ULK4: variants seen among roughly 807,000 people sequenced by gnomAD.
ULK4 encodes the protein unc-51 like kinase 4, also known as inactive serine/threonine-protein kinase ULK4.
Under a neutral mutation model 160.6 loss-of-function variants are expected in ULK4, and 133 were observed. The ratio of observed to expected loss-of-function variants is 0.83; its 90% confidence interval spans 0.72 to 0.96. The LOEUF (loss-of-function observed/expected upper bound fraction) is 0.96. ULK4 is among the 40% of genes least tolerant of loss of function. ULK4 has a pLI of 0.00. For missense variants in ULK4, 1,580 were observed against 1,499.5 expected (o/e 1.05, Z -0.89); for synonymous variants, 534 against 539.8 (o/e 0.99, Z 0.15).
chr3:41,918,478 G>C lies in ULK4; in HGVS notation c.706C>G (p.Pro236Ala), dbSNP rs1030949392. The stretch of plus-strand genomic sequence containing the variant: ...TTACCTTTCGGAATAGGTGGCAAAG[G>C]ATCTTCACATAAGATCTTTTCAGTT... ...ELTEKILCED[P>A]LPPIPKDSSR... The change falls in exon 7 of 37, where the codon CCT becomes GCT. Residue 236 changes from proline to alanine, a missense_variant. By Grantham distance (27) the Pro-to-Ala change is conservative. Transcript: ENST00000301831. The C allele has an allele frequency of 6.3e-7, 1 of 1,583,372 alleles. No individual in the cohort carries two copies. The highest frequency in any genetic ancestry group is 2.3e-5 in the East Asian group (1 of 44,190).
At chr3:41,628,787 T>C (rs926933647) in intron 30 of ULK4, among the ~76,000 whole-genome samples, 2 of 152,228 alleles carry the variant, frequency 1.3e-5, no homozygotes, top group Non-Finnish European at 2.9e-5. Context: ...CTATGTAACA[T>C]GTTAACAGTA....
rs1453767095 is a variant in ULK4 at position 41,856,407 on chromosome 3, T to C, written c.1657-20436A>G. ...GTCTGATGTAAAATATGGCAACCTATGGCCCCTCAAAATATACAGTGTACA... is the reference window on the plus strand; with the variant it reads ...GTCTGATGTAAAATATGGCAACCTACGGCCCCTCAAAATATACAGTGTACA... On this transcript the variant is annotated intron_variant, in intron 17 of 36. Transcript: ENST00000301831. Among the ~76,000 whole-genome samples, 37 of 150,296 alleles carry C rather than the reference T, an allele frequency of 2.5e-4. No individual in the cohort carries two copies. The Admixed American group carries it at 2.5e-3, about 10-fold the overall frequency.
chr3:41,782,909 C>T (rs1183284998), intron 21 of ULK4, among the ~76,000 whole-genome samples: 4 of 151,726 alleles, frequency 2.6e-5, no homozygotes, highest in Non-Finnish European at 5.9e-5. Flanking sequence ...ATATCATAAC[C>T]TTTTAAAATG....
At chr3:41,434,251 A>T (rs1237351588) in intron 34 of ULK4, among the ~76,000 whole-genome samples, 1 of 152,230 alleles carries the variant, frequency 6.6e-6, no homozygotes, top group Non-Finnish European at 1.5e-5. Context: ...TTAGGGGCAA[A>T]TATTCCAAAA....
chr3:41,688,480 G>C (rs555784244), intron 27 of ULK4, among the ~76,000 whole-genome samples: 91 of 151,972 alleles, frequency 6.0e-4, no homozygotes, highest in Non-Finnish European at 1.1e-3. Context: ...GTTTTCTTGG[G>C]GCCACTTTTT....
At chr3:41,305,387 C>G (rs1364505567) in intron 35 of ULK4, among the ~76,000 whole-genome samples, 1 of 152,226 alleles carries the variant, frequency 6.6e-6, no homozygotes, top group Non-Finnish European at 1.5e-5. Context: ...CGAGCCGCCA[C>G]GCCTGACTGG....
chr3:41,593,996 G>C (rs1222948153), intron 31 of ULK4, among the ~76,000 whole-genome samples: 1 of 152,116 alleles, frequency 6.6e-6, no homozygotes, highest in African/African-American at 2.4e-5. Flanking sequence ...AGTGAGCTGA[G>C]GGAGCACCAC....
chr3:41,914,994 G>A (rs1046775813), intron 8 of ULK4: 1 of 152,228 alleles, frequency 6.6e-6, no homozygotes, highest in African/African-American at 2.4e-5. Context: ...GGGTGACAGA[G>A]CAAGACTCAG....
chr3:41,527,482 G>A (rs1226370544), intron 32 of ULK4, among the ~76,000 whole-genome samples: 2 of 152,192 alleles, frequency 1.3e-5, no homozygotes, highest in Non-Finnish European at 2.9e-5. Flanking sequence ...CTATCACATG[G>A]GAGAAAACTG....
chr3:41,432,031 T>C (rs540383873), intron 34 of ULK4, among the ~76,000 whole-genome samples: 6 of 152,120 alleles, frequency 3.9e-5, no homozygotes, highest in Non-Finnish European at 8.8e-5. Context: ...GACCTCGTGA[T>C]CCACCCACCT....
intron 12 of ULK4, among the ~76,000 whole-genome samples, chr3:41,901,331 C>A (rs1424068633): frequency 6.6e-6 from 1 of 151,172 alleles, no homozygotes; most frequent in Admixed American, 6.6e-5. Flanking sequence ...AGGCGCCTGC[C>A]ACTGTGCCTG....
intron 32 of ULK4, among the ~76,000 whole-genome samples, chr3:41,502,670 C>T (rs1293770323): frequency 6.6e-6 from 1 of 152,154 alleles, no homozygotes; most frequent in African/African-American, 2.4e-5. Context: ...AAGCATTTTG[C>T]ATTGTGAAAG....
chr3:41,491,848 A>G (rs1442382339), intron 32 of ULK4, among the ~76,000 whole-genome samples: 3 of 151,762 alleles, frequency 2.0e-5, no homozygotes, highest in African/African-American at 4.8e-5. Flanking sequence ...GTCATTTAGC[A>G]TTAGGTATAC....
At chr3:41,404,658 G>C (rs1361177902) in intron 34 of ULK4, among the ~76,000 whole-genome samples, 1 of 152,142 alleles carries the variant, frequency 6.6e-6, no homozygotes, top group Non-Finnish European at 1.5e-5. Flanking sequence ...GATTAATTCT[G>C]CCACAGAGGG....
chr3:41,259,635 C>T (rs1459119139), intron 35 of ULK4, among the ~76,000 whole-genome samples: 1 of 152,192 alleles, frequency 6.6e-6, no homozygotes, highest in African/African-American at 2.4e-5. Flanking sequence ...CTCACAGCAT[C>T]ATCCTCCTCC....
At chr3:41,677,529 C>T (rs1481231481) in intron 29 of ULK4, among the ~76,000 whole-genome samples, 1 of 151,812 alleles carries the variant, frequency 6.6e-6, no homozygotes, top group African/African-American at 2.4e-5. Flanking sequence ...GACCAGGTTT[C>T]ACCATGTTAG....
At chr3:41,935,237 T>A (rs1325047465) in intron 4 of ULK4, among the ~76,000 whole-genome samples, 15 of 67,994 alleles carry the variant, frequency 2.2e-4, no homozygotes, top group East Asian at 1.6e-3. Context: ...TTTTTTTTTT[T>A]TTTTTTTTGA....
At chr3:41,472,436 G>C (rs1269595831) in intron 32 of ULK4, among the ~76,000 whole-genome samples, 1 of 152,044 alleles carries the variant, frequency 6.6e-6, no homozygotes. Flanking sequence ...AGGTGTGGTG[G>C]TGCATGCCTG....
chr3:41,524,928 C>A (rs1002393601), intron 32 of ULK4, among the ~76,000 whole-genome samples: 3 of 152,062 alleles, frequency 2.0e-5, no homozygotes, highest in African/African-American at 7.2e-5. Context: ...TAGAGCAAGA[C>A]TCTGTCTCCA....
Sources: gnomAD v4.1 joint callset for allele counts (sites outside exome capture counted in the v4.1 genomes callset) on GRCh38, gnomAD v4.1.1 for gene constraint, MANE v1.5 for transcripts, NCBI Gene and HGNC (gene_info 2026-07-23, HGNC 2026-07-21) for gene names.